The following G3BP2 variants were observed in gnomAD, a reference collection of about 807,000 sequenced individuals.
G3BP2 encodes ras GTPase-activating protein-binding protein 2.
A neutral mutation model predicts 56.7 loss-of-function variants in G3BP2; 11 were observed. That is an observed-to-expected ratio of 0.19 (90% CI 0.12 to 0.32). The LOEUF (loss-of-function observed/expected upper bound fraction) is 0.32. G3BP2 is among the 10% of genes least tolerant of loss of function. The probability of loss-of-function intolerance (pLI) is 1.00; values close to 1 mark genes in which losing one functional copy is unlikely to be tolerated. For synonymous variants in G3BP2, 165 were observed against 191.6 expected, an observed-to-expected ratio of 0.86 and a Z score of 1.15; for missense variants, 340 against 610.9, an observed-to-expected ratio of 0.56 and a Z score of 4.67.
chr4:75,693,896 T>C (rs922838454), intron 3 of G3BP2, among the ~76,000 whole-genome samples: 3 of 151,824 alleles, frequency 2.0e-5, no homozygotes, highest in Non-Finnish European at 2.9e-5. Flanking sequence ...CCACCATGTC[T>C]GGCTAATTTT....
chr4:75,707,029 C>A (rs1719571782), intron 3 of G3BP2, among the ~76,000 whole-genome samples: 1 of 151,538 alleles, frequency 6.6e-6, no homozygotes, highest in Non-Finnish European at 1.5e-5. Context: ...CCTGTCTCTA[C>A]TAAAAATACA....
intron 2 of G3BP2, among the ~76,000 whole-genome samples, chr4:75,661,192 G>A (rs1416633644): frequency 6.6e-6 from 1 of 152,144 alleles, no homozygotes; most frequent in East Asian, 1.9e-4. Flanking sequence ...GCAGTGGCAC[G>A]ATGCTCGCTC....
intron 3 of G3BP2, among the ~76,000 whole-genome samples, chr4:75,718,555 T>C (rs1376036257): frequency 2.0e-5 from 3 of 152,212 alleles, no homozygotes; most frequent in African/African-American, 7.2e-5. Context: ...AACATTCTCC[T>C]GGCATACTAT....
At chr4:75,700,979 C>A (rs1307146477) in intron 3 of G3BP2, among the ~76,000 whole-genome samples, 1 of 151,868 alleles carries the variant, frequency 6.6e-6, no homozygotes, top group Admixed American at 6.6e-5. Flanking sequence ...GCTGGGATTA[C>A]AGGCATGCAC....
intron 3 of G3BP2, among the ~76,000 whole-genome samples, chr4:75,685,495 C>T (rs530643093): frequency 3.0e-5 from 4 of 133,072 alleles, no homozygotes; most frequent in East Asian, 2.1e-4. Context: ...AATGAGACTC[C>T]GTCTCAAAAA....
chr4:75,667,208 G>A (rs1243506622), intron 1 of G3BP2, among the ~76,000 whole-genome samples: 3 of 151,484 alleles, frequency 2.0e-5, no homozygotes, highest in Non-Finnish European at 4.4e-5. Flanking sequence ...AGGAATGCCT[G>A]AGCCCGGGAA....
chr4:75,714,219 T>G (rs1172351927), intron 3 of G3BP2, among the ~76,000 whole-genome samples: 1 of 152,232 alleles, frequency 6.6e-6, no homozygotes, highest in Non-Finnish European at 1.5e-5. Context: ...ATTAAAATCA[T>G]TGAGAAAATA....
At chr4:75,687,579 C>T (rs1368946842) in intron 3 of G3BP2, among the ~76,000 whole-genome samples, 1 of 152,214 alleles carries the variant, frequency 6.6e-6, no homozygotes, top group Non-Finnish European at 1.5e-5. Flanking sequence ...ACCTGTAAAA[C>T]TGACGAATGA....
intron 3 of G3BP2, among the ~76,000 whole-genome samples, chr4:75,687,299 A>C (rs747842853): frequency 1.3e-5 from 2 of 152,176 alleles, no homozygotes; most frequent in African/African-American, 4.8e-5. Context: ...GATGGTTTTA[A>C]AAACAGGAGT....
At chr4:75,651,364 C>T (rs949700513) in intron 8 of G3BP2, among the ~76,000 whole-genome samples, 2 of 152,270 alleles carry the variant, frequency 1.3e-5, no homozygotes, top group East Asian at 1.9e-4. Context: ...TATCAAAACA[C>T]GAGTAACTAC....
chr4:75,651,860 G>A (rs9306995), intron 8 of G3BP2, among the ~76,000 whole-genome samples: 46,664 of 152,038 alleles, frequency 0.31, 8,663 homozygotes, highest in East Asian at 0.77. Context: ...AGGTGAACTA[G>A]TCAATTTCCA....
intron 1 of G3BP2, 148 bp downstream of exon 1, chr4:75,673,060 G>T (rs1434993701): frequency 2.0e-6 from 2 of 1,002,516 alleles, no homozygotes; most frequent in African/African-American, 3.4e-5. Flanking sequence ...ACACGGCACC[G>T]TAGGGAGCCG....
At chr4:75,710,001 A>G (rs1250847306) in intron 3 of G3BP2, among the ~76,000 whole-genome samples, 1 of 152,182 alleles carries the variant, frequency 6.6e-6, no homozygotes, top group East Asian at 1.9e-4. Context: ...AGCTAATTCC[A>G]TTTAATGGGA....
chr4:75,708,952 T>A (rs13127296), intron 3 of G3BP2, among the ~76,000 whole-genome samples: 1 of 151,266 alleles, frequency 6.6e-6, no homozygotes. Context: ...CTATAAAAAA[T>A]ACAAAAAAAT....
intron 3 of G3BP2, among the ~76,000 whole-genome samples, chr4:75,681,547 T>G (rs1013217735): frequency 7.9e-5 from 12 of 151,958 alleles, no homozygotes; most frequent in African/African-American, 2.7e-4. Flanking sequence ...TTACTAATGA[T>G]AAAATAGAAA....
intron 2 of G3BP2, among the ~76,000 whole-genome samples, chr4:75,721,108 T>A (rs2149124749): frequency 6.6e-6 from 1 of 152,056 alleles, no homozygotes; most frequent in Non-Finnish European, 1.5e-5. Context: ...GCCGAGCTAA[T>A]TTTGTATTTT....
chr4:75,714,447 C>T (rs4859404), intron 3 of G3BP2, among the ~76,000 whole-genome samples: 78,912 of 151,884 alleles, frequency 0.52, 22,527 homozygotes, highest in East Asian at 0.8. Flanking sequence ...GCCAACATGG[C>T]GAAACCCCAT....
At chr4:75,697,350 G>C in intron 3 of G3BP2, among the ~76,000 whole-genome samples, 1 of 149,194 alleles carries the variant, frequency 6.7e-6, no homozygotes, top group East Asian at 2.0e-4. Context: ...ATGATATGAT[G>C]TCTGGGATTT....
chr4:75,646,548 C>T (rs884871), intron 10 of G3BP2, 92 bp from the exon 11 acceptor site: 275,268 of 803,590 alleles, frequency 0.34, 51,704 homozygotes, highest in African/African-American at 0.5. Context: ...GTTATCTCCC[C>T]GATCCATTTT....
Sources: allele counts gnomAD v4.1 joint callset (sites outside exome capture counted in the v4.1 genomes callset), GRCh38; gene constraint gnomAD v4.1.1; transcripts MANE v1.5; gene names NCBI Gene and HGNC (gene_info 2026-07-23, HGNC 2026-07-21).